The following THSD7B variants were observed in gnomAD, a reference collection of about 807,000 sequenced individuals.
The protein encoded by THSD7B is thrombospondin type-1 domain-containing protein 7B.
THSD7B carries 138 observed loss-of-function variants against 213.6 expected under a neutral mutation model. The ratio of observed to expected loss-of-function variants is 0.65; its 90% CI spans 0.56 to 0.74. The LOEUF (loss-of-function observed/expected upper bound fraction) is 0.74, where lower values mean the gene tolerates loss of function less well. Ranked by LOEUF, THSD7B falls within the 30% of genes least tolerant of loss-of-function variation. THSD7B has a pLI of 0.00. For synonymous variants in THSD7B, 742 were observed against 687.0 expected (o/e 1.08, Z -1.25); for missense variants, 1,931 against 1,991.5 (o/e 0.97, Z 0.58).
intron 5 of THSD7B, among the ~76,000 whole-genome samples, chr2:137,119,557 A>G (rs1221986632): frequency 6.6e-6 from 1 of 152,164 alleles, no homozygotes; most frequent in Non-Finnish European, 1.5e-5. Flanking sequence ...AAGAAATGGA[A>G]AAGTTTGTGT....
intron 1 of THSD7B, among the ~76,000 whole-genome samples, chr2:136,807,034 G>A (rs186429598): frequency 7.9e-5 from 12 of 152,326 alleles, no homozygotes; most frequent in African/African-American, 2.4e-4. Context: ...TATCAAGGGC[G>A]TTTATTGTCA....
At chr2:137,064,565 A>G (rs1687340869) in intron 3 of THSD7B, among the ~76,000 whole-genome samples, 1 of 151,910 alleles carries the variant, frequency 6.6e-6, no homozygotes, top group Non-Finnish European at 1.5e-5. Context: ...ATTATTCAAG[A>G]ATCTTTGCCC....
At chr2:136,840,933 AT>A (rs919920650) in intron 1 of THSD7B, among the ~76,000 whole-genome samples, 30 of 152,270 alleles carry the variant, frequency 2.0e-4, no homozygotes, top group African/African-American at 7.0e-4. Context: ...TTTTGGTTTG[AT>A]TGGATAGTTG....
rs146430659 is a variant in THSD7B at position 137,627,730 on chromosome 2, A to G, written c.3799+7004A>G. ...AAAATGTGACTAAGAAAAATTGACA[A>G]CTACTTCCACAAAGAATGTCACTCA... On this transcript the variant is annotated intron_variant, in intron 20 of 27. Coordinates refer to ENST00000409968, the MANE Select transcript of THSD7B (RefSeq NM_001316349.2). Among the ~76,000 whole-genome samples the G allele has an allele frequency of 6.9e-4, 105 of 152,330 alleles. 1 individual carries two copies. The East Asian group carries it at 0.019, about 28-fold the overall frequency.
At chr2:137,187,495 T>A (rs60746092) in intron 7 of THSD7B, among the ~76,000 whole-genome samples, 4,532 of 152,278 alleles carry the variant, frequency 0.03, 256 homozygotes, top group African/African-American at 0.1. Context: ...CCTGAAACCA[T>A]GTTTGTAATC....
At chr2:137,590,308 T>C (rs899108247) in intron 17 of THSD7B, among the ~76,000 whole-genome samples, 3 of 152,212 alleles carry the variant, frequency 2.0e-5, no homozygotes, top group Non-Finnish European at 4.4e-5. Flanking sequence ...GATGGTCTGA[T>C]TGATGGTCAT....
At chr2:137,320,979 T>G (rs543483040) in intron 12 of THSD7B, among the ~76,000 whole-genome samples, 12 of 152,368 alleles carry the variant, frequency 7.9e-5, no homozygotes, top group African/African-American at 2.9e-4. Flanking sequence ...AGCGTGTGTG[T>G]GCCTTAGACA....
At chr2:137,176,008 G>A (rs1434929722) in intron 7 of THSD7B, among the ~76,000 whole-genome samples, 1 of 152,032 alleles carries the variant, frequency 6.6e-6, no homozygotes, top group East Asian at 1.9e-4. Flanking sequence ...ATCTCGTGTT[G>A]TTAACAAATG....
intron 10 of THSD7B, among the ~76,000 whole-genome samples, chr2:137,250,232 A>C (rs749016728): frequency 3.9e-5 from 6 of 152,190 alleles, no homozygotes; most frequent in Non-Finnish European, 8.8e-5. Flanking sequence ...CTATTTGATT[A>C]CTTCTATTTT....
At chr2:137,664,726 T>C (rs889822235) in intron 26 of THSD7B, among the ~76,000 whole-genome samples, 1 of 152,188 alleles carries the variant, frequency 6.6e-6, no homozygotes, top group South Asian at 2.1e-4. Flanking sequence ...AAGGCAGATC[T>C]TTTAGGCTTT....
intron 15 of THSD7B, among the ~76,000 whole-genome samples, chr2:137,543,828 T>C (rs1391295757): frequency 6.6e-6 from 1 of 151,662 alleles, no homozygotes; most frequent in African/African-American, 2.4e-5. Flanking sequence ...CTCCAAAATA[T>C]GTCTTGGAGA....
intron 2 of THSD7B, chr2:136,990,857 T>C: frequency 7.6e-7 from 1 of 1,323,690 alleles, no homozygotes; most frequent in Non-Finnish European, 1.0e-6. Flanking sequence ...AAATTAAAAT[T>C]CCCTTTAAGA....
At chr2:137,207,531 CAAG>C (rs529382023) in intron 7 of THSD7B, among the ~76,000 whole-genome samples, 1 of 151,964 alleles carries the variant, frequency 6.6e-6, no homozygotes, top group African/African-American at 2.4e-5. Flanking sequence ...AAATTGTTTG[CAAG>C]AAGAAGACCC....
chr2:137,676,689 G>A lies in THSD7B; in HGVS notation c.*84G>A. On this transcript the variant is annotated 3_prime_UTR_variant, in exon 28 of 28. Coordinates refer to ENST00000409968, the MANE Select transcript of THSD7B (RefSeq NM_001316349.2). ...CTCTCAGACTTCTCAGTTTTTTGAG[G>A]AATCTCAAGATGTGATATATTGGGC... 8.0e-7 allele frequency: 1 copy of A among 1,242,280 alleles called. No homozygotes were observed. Among genetic ancestry groups the A allele is most frequent in the Non-Finnish European group, 1.1e-6 (1 of 911,318 alleles). The allele number at this position is 1,242,280 out of a possible 1,614,324, so 77.0% of individuals were successfully genotyped here.
intron 17 of THSD7B, among the ~76,000 whole-genome samples, chr2:137,592,005 A>G (rs932937932): frequency 2.0e-5 from 3 of 151,512 alleles, no homozygotes; most frequent in Non-Finnish European, 4.4e-5. Context: ...TTTTCATAGG[A>G]GTATTTAAAA....
Position 137,572,566 on chromosome 2 carries a change from C to T in THSD7B, c.3423+10C>T. On this transcript the variant is annotated intron_variant, in intron 17 of 27. Coordinates refer to ENST00000409968, the MANE Select transcript of THSD7B (RefSeq NM_001316349.2). ...GAGCAAATGCCCACAGGTAATTTCT[C>T]TTTCTTTGTCAATGCTCTGATAATC... 6.2e-7 allele frequency: 1 copy of T among 1,613,392 alleles called. No individual in the cohort carries two copies. The highest frequency in any genetic ancestry group is 1.3e-5 in the African/African-American group (1 of 75,044).
At position 137,124,771 on chromosome 2, in the gene THSD7B, A is replaced by G. The variant is rs569368416; in HGVS notation, c.1369+9478A>G. Among the ~76,000 whole-genome samples, 3 of 152,308 alleles carry G rather than the reference A, an allele frequency of 2.0e-5. 1 individual carries two copies. Among genetic ancestry groups the G allele is most frequent in the African/African-American group, 7.2e-5 (3 of 41,590 alleles). ...ATGTTATGTACTTATGGCATGCAAC[A>G]TGATGTTTTGATGTAGGCATGTATG... is the stretch of plus-strand genomic sequence containing the variant. On this transcript the variant is annotated intron_variant, in intron 5 of 27. Coordinates refer to ENST00000409968, the MANE Select transcript of THSD7B (RefSeq NM_001316349.2).
chr2:137,312,022 A>C lies in THSD7B; in HGVS notation c.2500+35996A>C, dbSNP rs1683924023. 4.7e-5 allele frequency among the ~76,000 whole-genome samples: 7 copies of C among 148,768 alleles called. No individual in the cohort carries two copies. The South Asian group carries it at 1.1e-3, about 23-fold the overall frequency. On this transcript the variant is annotated intron_variant, in intron 12 of 27. Coordinates refer to ENST00000409968, the MANE Select transcript of THSD7B (RefSeq NM_001316349.2). ...GTATCAGGATGATGCTGGCCTCATA[A>C]AATGAGTTAGGGAGAATTCCCTCTT...
At chr2:137,434,356 C>A (rs1687248226) in intron 14 of THSD7B, among the ~76,000 whole-genome samples, 1 of 152,194 alleles carries the variant, frequency 6.6e-6, no homozygotes, top group Non-Finnish European at 1.5e-5. Context: ...CATTTGGACA[C>A]CTGATGCCCA....
Sources: gnomAD v4.1 joint callset for allele counts (sites outside exome capture counted in the v4.1 genomes callset) on GRCh38, gnomAD v4.1.1 for gene constraint, MANE v1.5 for transcripts, NCBI Gene and HGNC (gene_info 2026-07-23, HGNC 2026-07-21) for gene names.